The following TMC1 variants were observed in gnomAD, a reference collection of about 807,000 sequenced individuals.
The protein encoded by TMC1 is transmembrane channel like 1.
TMC1 carries 84 observed loss-of-function variants against 105.8 expected under a neutral mutation model. The observed-to-expected ratio is 0.79, with a 90% CI of 0.67 to 0.95. The LOEUF (loss-of-function observed/expected upper bound fraction) is 0.95, where lower values mean the gene tolerates loss of function less well. TMC1 is among the 40% of genes least tolerant of loss of function. The pLI, the probability that TMC1 is intolerant of heterozygous loss-of-function variation, is 0.00. For missense variants in TMC1, 817 were observed against 914.1 expected (o/e 0.89, Z 1.37); for synonymous variants, 315 against 311.5 (o/e 1.01, Z -0.12).
intron 17 of TMC1, among the ~76,000 whole-genome samples, chr9:72,802,036 A>C (rs1167147181): frequency 6.6e-6 from 1 of 152,004 alleles, no homozygotes; most frequent in African/African-American, 2.4e-5. Flanking sequence ...GGCAGTAGAA[A>C]CCTAAAAATA....
intron 18 of TMC1, among the ~76,000 whole-genome samples, chr9:72,813,234 A>G (rs1828732954): frequency 6.6e-6 from 1 of 152,066 alleles, no homozygotes; most frequent in African/African-American, 2.4e-5. Context: ...AAATTGATTT[A>G]TATTTATTAA....
intron 12 of TMC1, among the ~76,000 whole-genome samples, chr9:72,772,195 CT>C (rs1827939329): frequency 6.6e-6 from 1 of 152,132 alleles, no homozygotes; most frequent in African/African-American, 2.4e-5. Context: ...AAAATTTTAT[CT>C]ATTTAGAAGT....
At chr9:72,666,234 A>G (rs1826040524) in intron 5 of TMC1, among the ~76,000 whole-genome samples, 1 of 151,912 alleles carries the variant, frequency 6.6e-6, no homozygotes, top group Non-Finnish European at 1.5e-5. Flanking sequence ...TGCACTACAT[A>G]ACAAGACCTT....
rs114248102 is a variant in TMC1 at position 72,763,563 on chromosome 9, A to G, written c.741+8679A>G. Among the ~76,000 whole-genome samples, 880 of 152,356 alleles carry G rather than the reference A, an allele frequency of 5.8e-3. 6 individuals are homozygous for G. The highest frequency in any genetic ancestry group is 0.02 in the African/African-American group (843 of 41,596). On this transcript the variant is annotated intron_variant, in intron 12 of 23. Transcript: ENST00000297784. Reference sequence around the variant, plus strand: ...AAAGTAATGTTCAAATTGGGCTCTAAGGAGTCAGGACAACCTCTGAATTTG... The same window carrying G: ...AAAGTAATGTTCAAATTGGGCTCTAGGGAGTCAGGACAACCTCTGAATTTG...
At chr9:72,551,162 G>A (rs1412960208) in intron 1 of TMC1, among the ~76,000 whole-genome samples, 2 of 152,064 alleles carry the variant, frequency 1.3e-5, no homozygotes, top group Non-Finnish European at 2.9e-5. Context: ...AAAGAAGGGT[G>A]GTCCTTCTGA....
chr9:72,523,832 T>TA (rs971570633), intron 1 of TMC1, among the ~76,000 whole-genome samples: 29 of 146,802 alleles, frequency 2.0e-4, no homozygotes, highest in East Asian at 6.0e-4. Context: ...GAACAGAGAA[T>TA]AAAAAAAAAA....
At chr9:72,832,989 T>G (rs1206949241) in intron 23 of TMC1, among the ~76,000 whole-genome samples, 1 of 152,180 alleles carries the variant, frequency 6.6e-6, no homozygotes, top group Non-Finnish European at 1.5e-5. Context: ...TAGATATTTA[T>G]CTCCAAATTA....
At chr9:72,827,368 A>G (rs1828973247) in intron 21 of TMC1, among the ~76,000 whole-genome samples, 4 of 152,230 alleles carry the variant, frequency 2.6e-5, no homozygotes, top group Admixed American at 2.6e-4. Flanking sequence ...AGCAGATGGC[A>G]ATGAATATAC....
intron 9 of TMC1, chr9:72,741,691 T>C (rs1179181610): frequency 6.5e-6 from 1 of 153,364 alleles, no homozygotes; most frequent in African/African-American, 2.4e-5. Context: ...CAGACTTGTC[T>C]CATGCTATTA....
intron 2 of TMC1, among the ~76,000 whole-genome samples, chr9:72,595,327 T>C (rs7045535): frequency 0.3 from 45,903 of 152,048 alleles, 7,490 homozygotes; most frequent in African/African-American, 0.41. Flanking sequence ...CTACATATTG[T>C]TTGCTCTAAG....
chr9:72,724,557 A>ATT (rs56017811), intron 8 of TMC1, among the ~76,000 whole-genome samples: 2 of 151,870 alleles, frequency 1.3e-5, no homozygotes, highest in East Asian at 1.9e-4. Flanking sequence ...ATAAACAGGG[A>ATT]TTTTTTTTAG....
chr9:72,724,605 T>G (rs1036140742), intron 8 of TMC1, among the ~76,000 whole-genome samples: 1 of 152,194 alleles, frequency 6.6e-6, no homozygotes, highest in African/African-American at 2.4e-5. Context: ...ATATCAGATA[T>G]AAAAAATTTC....
chr9:72,622,615 A>C (rs1335338048), intron 3 of TMC1, among the ~76,000 whole-genome samples: 2 of 152,156 alleles, frequency 1.3e-5, no homozygotes, highest in Non-Finnish European at 2.9e-5. Context: ...TTTGTCTTCC[A>C]CTTGGACCTT....
At chr9:72,552,158 A>G (rs1158872866) in intron 1 of TMC1, among the ~76,000 whole-genome samples, 1 of 152,192 alleles carries the variant, frequency 6.6e-6, no homozygotes, top group East Asian at 1.9e-4. Context: ...GTCCTGGTCC[A>G]TAATAACCCA....
chr9:72,827,094 C>A, intron 21 of TMC1, 100 bp downstream of exon 21: 1 of 1,478,716 alleles, frequency 6.8e-7, no homozygotes, highest in Non-Finnish European at 9.4e-7. Context: ...CCTAAGGGTT[C>A]TGCTGTAACC....
Position 72,644,987 on chromosome 9 carries a change from AG to A in TMC1, c.-52-3607del, listed in dbSNP as rs970829989. Among the ~76,000 whole-genome samples, 134 of 152,298 alleles carry A rather than the reference AG, an allele frequency of 8.8e-4. 4 individuals carry two copies. The highest frequency in any genetic ancestry group is 3.1e-3 in the African/African-American group (129 of 41,574). ...TTTATCGTGAAGCGTGGGTGAAAAA[AG>A]GGTGAAATCATTGATGCTTTATGAA... On this transcript the variant is annotated intron_variant, in intron 4 of 23. Transcript: ENST00000297784.
intron 10 of TMC1, among the ~76,000 whole-genome samples, chr9:72,747,147 G>C (rs566993137): frequency 1.9e-4 from 29 of 152,120 alleles, no homozygotes; most frequent in African/African-American, 6.7e-4. Context: ...TTTTCAGACA[G>C]GAAATAGCTT....
chr9:72,672,615 A>G (rs1375687513), intron 5 of TMC1, among the ~76,000 whole-genome samples: 1 of 151,842 alleles, frequency 6.6e-6, no homozygotes, highest in African/African-American at 2.4e-5. Context: ...TAAAATATTA[A>G]TTAATTAATT....
chr9:72,711,343 ACT>A (rs1202362664), intron 8 of TMC1, among the ~76,000 whole-genome samples: 5 of 152,208 alleles, frequency 3.3e-5, no homozygotes, highest in African/African-American at 1.2e-4. Context: ...GAATTGCCAC[ACT>A]GTCTTCCACA....
Sources: gnomAD v4.1 joint callset for allele counts (sites outside exome capture counted in the v4.1 genomes callset) on GRCh38, gnomAD v4.1.1 for gene constraint, MANE v1.5 for transcripts, NCBI Gene and HGNC (gene_info 2026-07-23, HGNC 2026-07-21) for gene names.